Variants in TTN observed in about 807,000 individuals in gnomAD.
The protein encoded by TTN is connectin.
A neutral mutation model predicts 3,223.0 loss-of-function variants in TTN; 1,525 were observed. The ratio of observed to expected loss-of-function variants is 0.47; its 90% CI spans 0.45 to 0.49. TTN has a LOEUF of 0.49. Ranked by LOEUF, TTN falls within the 20% of genes least tolerant of loss-of-function variation. TTN has a pLI of 0.00. For missense variants in TTN, 40,786 were observed against 43,424.0 expected (o/e 0.94, Z 5.40); for synonymous variants, 14,094 against 15,161.0 (o/e 0.93, Z 5.17).
chr2:178,699,883 A>G (rs2074636071), intron 111 of TTN, among the ~76,000 whole-genome samples: 1 of 144,728 alleles, frequency 6.9e-6, no homozygotes, highest in Non-Finnish European at 1.5e-5. Flanking sequence ...GCCCACCACC[A>G]CGCCCGGCTA....
At chr2:178,735,471 G>C in intron 50 of TTN, 40 bp downstream of exon 50, 1 of 1,494,816 alleles carries the variant, frequency 6.7e-7, no homozygotes, top group Non-Finnish European at 8.9e-7. Context: ...AGGATTCCTT[G>C]CAGAGAAGGG....
rs1707586824 is a variant in TTN at position 178,570,076 on chromosome 2, T to C, written c.76056A>G (p.Thr25352=). 6.2e-7 allele frequency: 1 copy of C among 1,613,366 alleles called. No homozygotes were observed. Among genetic ancestry groups the C allele is most frequent in the African/African-American group, 1.3e-5 (1 of 74,894 alleles). The change falls in exon 326 of 363, where the codon ACA becomes ACG. Residue 25352 remains threonine (T), a synonymous_variant. Coordinates refer to ENST00000589042, the MANE Select transcript of TTN (RefSeq NM_001267550.2). ...CTCCAATCAGACGCTTATGGCATCT[T>C]GTCCATCTAATGCCTTCTTTATCCC... ...EKRDKEGIRW[T]RCHKRLIGEL... is the part of the protein sequence containing the mutation.
intron 345 of TTN, 42 bp downstream of exon 345, chr2:178,544,159 T>A (rs1265896509): frequency 6.2e-7 from 1 of 1,605,134 alleles, no homozygotes; most frequent in African/African-American, 1.3e-5. Context: ...TGGACAGGTG[T>A]GAGAAGAAAA....
Position 178,560,857 on chromosome 2 carries a change from A to C in TTN, c.85275T>G (p.Thr28425=). ...TCTTCAGTGTTAGTACATATTGCCCAGTGTCTCGTCTTATACAGTCTTTAA... is the reference window on the plus strand; with the variant it reads ...TCTTCAGTGTTAGTACATATTGCCCCGTGTCTCGTCTTATACAGTCTTTAA... ...LTVKDCIRRD[T]GQYVLTLKNV... The change falls in exon 326 of 363, where the codon ACT becomes ACG. Residue 28425 remains threonine, a synonymous_variant. Coordinates refer to ENST00000589042, the MANE Select transcript of TTN (RefSeq NM_001267550.2). The C allele has an allele frequency of 6.2e-7, 1 of 1,613,686 alleles. No homozygotes were observed. Among genetic ancestry groups the C allele is most frequent in the East Asian group, 2.2e-5 (1 of 44,774 alleles).
chr2:178,633,719 T>A (rs1375371204), intron 231 of TTN, 43 bp from the exon 232 acceptor site: 2 of 1,605,018 alleles, frequency 1.2e-6, no homozygotes, highest in Admixed American at 3.5e-5. Flanking sequence ...ATGTGAAAAT[T>A]AAAGTTTATT....
chr2:178,711,714 G>T (rs1447007699), intron 96 of TTN, among the ~76,000 whole-genome samples: 19 of 152,214 alleles, frequency 1.2e-4, no homozygotes, highest in Admixed American at 7.9e-4. Context: ...TTTTAAAAAA[G>T]ATTTAATTAT....
chr2:178,547,873 C>T lies in TTN; in HGVS notation c.93753G>A (p.Leu31251=). The T allele has an allele frequency of 8.1e-6, 13 of 1,613,804 alleles. No homozygotes were observed. Among genetic ancestry groups the T allele is most frequent in the Non-Finnish European group, 1.1e-5 (13 of 1,179,836 alleles). The change falls in exon 339 of 363, where the codon CTG becomes CTA. Residue 31251 remains leucine, a synonymous_variant. Coordinates refer to ENST00000589042, the MANE Select transcript of TTN (RefSeq NM_001267550.2). ...GRPAPKVTWK[L]EEMRLKETDR... ...CTGTCTCTTTAAGTCTCATTTCTTCCAGTTTCCATGTTACTTTGGGGGCAG... is the reference window on the plus strand; with the variant it reads ...CTGTCTCTTTAAGTCTCATTTCTTCTAGTTTCCATGTTACTTTGGGGGCAG...
chr2:178,773,867 A>T lies in TTN; in HGVS notation c.7301T>A (p.Leu2434His), dbSNP rs774798625. 5 of 1,614,092 alleles carry T rather than the reference A, an allele frequency of 3.1e-6. No homozygotes were observed. Among genetic ancestry groups the T allele is most frequent in the Non-Finnish European group, 4.2e-6 (5 of 1,179,988 alleles). The stretch of plus-strand genomic sequence containing the variant: ...GACAGAGACACGCCCACTGGTGGAG[A>T]GGCCAAGGGCTGGAATGGTGAAAGA... ...NYSFTIPALGLSTSGRVSVYS... is the reference protein window; with the variant it reads ...NYSFTIPALGHSTSGRVSVYS... Residue 2434 changes from leucine to histidine, a missense_variant, in exon 31 of 363, where the codon CTC (leucine) becomes CAC (histidine). Leu to His is a moderately conservative substitution (Grantham distance 99). Transcript: ENST00000589042.
rs1293636992 is a variant in TTN, at chr2:178,674,217, T to C, written c.34708+97A>G. 1.1e-5 allele frequency: 8 copies of C among 741,580 alleles called. No individual in the cohort carries two copies. The East Asian group carries it at 1.4e-4, about 13-fold the overall frequency. The allele number at this position is 741,580 out of a possible 1,614,324, so 45.9% of individuals were successfully genotyped here. A position where few individuals can be genotyped will look rare whatever the true frequency, so the allele number is the denominator to read the frequency against. On this transcript the variant is annotated intron_variant, in intron 151 of 362. Coordinates refer to ENST00000589042, the MANE Select transcript of TTN (RefSeq NM_001267550.2). Reference sequence around the variant, plus strand: ...AATCTTCACTTTATCATGGATACGATATAAGAAAAGCATACTGGTGAATCT... The same window carrying C: ...AATCTTCACTTTATCATGGATACGACATAAGAAAAGCATACTGGTGAATCT...
Position 178,574,501 on chromosome 2 carries a change from G to A in TTN, c.71631C>T (p.Ser23877=), listed in dbSNP as rs1206956303. The A allele has an allele frequency of 1.2e-6, 2 of 1,613,594 alleles. No individual in the cohort carries two copies. The highest frequency in any genetic ancestry group is 2.2e-5 in the East Asian group (1 of 44,826). ...AAATGTTGCCTGGTACTAAAGCTTT[G>A]CTCACAGTCTGCCAGAGAATACCAT... ...ERNGILWQTV[S]KALVPGNIFK... The change falls in exon 326 of 363, where the codon AGC becomes AGT. Residue 23877 remains serine (S), a synonymous_variant. Coordinates refer to ENST00000589042, the MANE Select transcript of TTN (RefSeq NM_001267550.2).
At chr2:178,713,623 AT>A (rs2077015841) in intron 92 of TTN, 1 of 697,662 alleles carries the variant, frequency 1.4e-6, no homozygotes, top group Non-Finnish European at 2.3e-6. Context: ...TATGTGGTGA[AT>A]TATTTCAGCA....
chr2:178,772,910 G>A, intron 33 of TTN, 199 bp downstream of exon 33: 3 of 636,994 alleles, frequency 4.7e-6, no homozygotes, highest in Non-Finnish European at 5.4e-6. Context: ...AATGGAGAAG[G>A]TGACGTTTGA....
chr2:178,651,625 A>C (rs376286053), intron 206 of TTN, 41 bp downstream of exon 206: 14 of 1,612,308 alleles, frequency 8.7e-6, no homozygotes, highest in Non-Finnish European at 1.2e-5. Context: ...GACACTTCAA[A>C]GAAAGTTTTT....
At chr2:178,650,036 C>T in intron 210 of TTN, 128 bp downstream of exon 210, 4 of 1,306,252 alleles carry the variant, frequency 3.1e-6, no homozygotes, top group Non-Finnish European at 4.2e-6. Context: ...GTAGAAATAA[C>T]TTTTGTTCTT....
rs776196707 is a variant in TTN at position 178,571,115 on chromosome 2, G to C, written c.75017C>G (p.Pro25006Arg). 5.6e-6 allele frequency: 9 copies of C among 1,613,294 alleles called. No individual in the cohort carries two copies. The Admixed American group carries it at 1.5e-4, about 27-fold the overall frequency. ...CTCTGGCCGTCCTGGTGGATCACAT[G>C]GGTCACGAGCCACATAACATTCTGA... Reference protein sequence around the residue: ...KVSECYVARDPCDPPGRPEAI... With the variant: ...KVSECYVARDRCDPPGRPEAI... Residue 25006 changes from proline to arginine, a missense_variant, in exon 326 of 363, where the codon CCA becomes CGA. Transcript: ENST00000589042.
Position 178,632,769 on chromosome 2 carries a change from G to A in TTN, c.43237C>T (p.Pro14413Ser), listed in dbSNP as rs2059959828. 6.2e-7 allele frequency: 1 copy of A among 1,612,978 alleles called. No individual in the cohort carries two copies. Among genetic ancestry groups the A allele is most frequent in the East Asian group, 2.2e-5 (1 of 44,786 alleles). The change falls in exon 235 of 363, where the codon CCT (proline) becomes TCT (serine). Residue 14413 changes from proline (P) to serine (S), a missense_variant. Coordinates refer to ENST00000589042, the MANE Select transcript of TTN (RefSeq NM_001267550.2). ...VKELPLIFITPLSDVKVFEKD... is the reference protein window; with the variant it reads ...VKELPLIFITSLSDVKVFEKD... ...TCGAAGACTTTAACATCACTGAGAG[G>A]TGTGATGAAGATAAGAGGCAATTCT...
Position 178,612,540 on chromosome 2 carries a change from T to G in TTN, c.49985A>C (p.Asn16662Thr), listed in dbSNP as rs36043230. The change falls in exon 266 of 363, where the codon AAT becomes ACT. Residue 16662 changes from asparagine (N) to threonine (T), a missense_variant. Asn to Thr is a moderately conservative substitution (Grantham distance 65). Coordinates refer to ENST00000589042, the MANE Select transcript of TTN (RefSeq NM_001267550.2). ...PSPPRWLEVINITKNTADLKW... is the reference protein window; with the variant it reads ...PSPPRWLEVITITKNTADLKW... ...TAGGTCTGCTGTATTTTTTGTGATA[T>G]TAATAACTTCAAGCCAGCGTGGTGG... The G allele has an allele frequency of 0.02, 31,454 of 1,611,642 alleles. 478 individuals carry two copies. The highest frequency in any genetic ancestry group is 0.033 in the Middle Eastern group (197 of 6,048).
At position 178,594,404 on chromosome 2, in the gene TTN, T is replaced by C. The variant is rs1472130936; in HGVS notation, c.58090A>G (p.Ile19364Val). 2 of 1,606,872 alleles carry C rather than the reference T, an allele frequency of 1.2e-6. No individual in the cohort carries two copies. Among genetic ancestry groups the C allele is most frequent in the South Asian group, 2.2e-5 (2 of 89,850 alleles). Residue 19364 changes from isoleucine to valine, a missense_variant, in exon 296 of 363, where the codon ATT becomes GTT. By Grantham distance (29) the Ile-to-Val change is conservative. Coordinates refer to ENST00000589042, the MANE Select transcript of TTN (RefSeq NM_001267550.2). ...AATGATGGTTTGCCTTGTCCAACAA[T>C]GTTGACAGCACTGACACGGTACTCA... The part of the protein sequence containing the change: ...TYEYRVSAVN[I>V]VGQGKPSFCT...
Position 178,580,599 on chromosome 2 carries a change from C to G in TTN, c.66780G>C (p.Glu22260Asp), listed in dbSNP as rs574543857. 8.1e-6 allele frequency: 13 copies of G among 1,608,714 alleles called. No homozygotes were observed. The highest frequency in any genetic ancestry group is 8.5e-6 in the Non-Finnish European group (10 of 1,178,372). The stretch of plus-strand genomic sequence containing the variant: ...TCCTTAAGTCCGCATCAAGTTCTCC[C>G]TCAGGTGGAACTGTTTAATTTTGGG... ...HYPKDILIPP[E>D]GELDADLRKT... Residue 22260 changes from glutamate (E) to aspartate (D), a missense_variant, in exon 317 of 363, where the codon GAG becomes GAC. Transcript: ENST00000589042.
Sources: gnomAD v4.1 joint callset for allele counts (sites outside exome capture counted in the v4.1 genomes callset) on GRCh38, gnomAD v4.1.1 for gene constraint, MANE v1.5 for transcripts, NCBI Gene and HGNC (gene_info 2026-07-23, HGNC 2026-07-21) for gene names.